The following SLC2A7 variants were observed in gnomAD, a reference collection of about 807,000 sequenced individuals.
The protein encoded by SLC2A7 is solute carrier family 2 member 7.
Under a neutral mutation model 50.5 loss-of-function variants are expected in SLC2A7, and 50 were observed. The ratio of observed to expected loss-of-function variants is 0.99; its 90% CI spans 0.79 to 1.25. SLC2A7 has a LOEUF of 1.25. Ranked by LOEUF, SLC2A7 falls within the 50% of genes most tolerant of loss-of-function variation. The pLI is 0.00. For missense variants in SLC2A7, 683 were observed against 679.1 expected (o/e 1.01, Z -0.06); for synonymous variants, 308 against 300.4 (o/e 1.03, Z -0.26).
At chr1:9,000,837 A>T (rs922793086), downstream of SLC2A7, among the ~76,000 whole-genome samples, 1 of 150,766 alleles carries the variant, frequency 6.6e-6, no homozygotes, top group African/African-American at 2.5e-5. Flanking sequence ...CCCAGGTGTG[A>T]GGAGCCCAGG....
chr1:9,011,761 T>G (rs1322779400), intron 8 of SLC2A7, among the ~76,000 whole-genome samples: 1 of 143,992 alleles, frequency 6.9e-6, no homozygotes, highest in African/African-American at 2.6e-5. Context: ...TTTTTTTTTT[T>G]TTTTTTTTGG....
At chr1:8,999,261 T>C (rs551701893), downstream of SLC2A7, among the ~76,000 whole-genome samples, 1 of 152,312 alleles carries the variant, frequency 6.6e-6, no homozygotes, top group South Asian at 2.1e-4. Flanking sequence ...ATTCCCAAAG[T>C]GCTGTGATTA....
chr1:9,005,781 C>CAAAAAA (rs75636224), intron 10 of SLC2A7, among the ~76,000 whole-genome samples: 2 of 42,624 alleles, frequency 4.7e-5, no homozygotes, highest in Non-Finnish European at 1.1e-4. Context: ...GACTCCAACT[C>CAAAAAA]AAAAAAAAAA....
At chr1:9,013,008 G>A (rs546056007) in intron 8 of SLC2A7, among the ~76,000 whole-genome samples, 16 of 152,050 alleles carry the variant, frequency 1.1e-4, no homozygotes, top group East Asian at 3.9e-4. Context: ...CTCCTGACTC[G>A]GCCTCCCAAG....
At chr1:9,011,107 C>G (rs1247600779) in intron 8 of SLC2A7, among the ~76,000 whole-genome samples, 1 of 152,254 alleles carries the variant, frequency 6.6e-6, no homozygotes, top group Non-Finnish European at 1.5e-5. Context: ...ATTATTCACA[C>G]CAGCTACTCC....
At position 9,024,755 on chromosome 1, in the gene SLC2A7, G is replaced by A. The variant is rs138322676; in HGVS notation, c.150+221C>T. Among the ~76,000 whole-genome samples the A allele has an allele frequency of 1.0e-2, 1,521 of 152,256 alleles. 11 individuals are homozygous for A. The highest frequency in any genetic ancestry group is 0.016 in the Non-Finnish European group (1,090 of 68,022). The stretch of plus-strand genomic sequence containing the variant: ...AACAGGTCCCCCAGCATCCCAATGT[G>A]CCCGGAAAGGACGACACTCCAGGGG... On this transcript the variant is annotated intron_variant, in intron 2 of 11. Transcript: ENST00000400906.
chr1:9,026,212 A>G (rs899585564), intron 1 of SLC2A7, 83 bp downstream of exon 1: 3 of 1,459,054 alleles, frequency 2.1e-6, no homozygotes, highest in South Asian at 1.2e-5. Flanking sequence ...TGCTAAAAGC[A>G]TTCCACGGCC....
downstream of SLC2A7, among the ~76,000 whole-genome samples, chr1:9,001,620 G>A (rs1177861703): frequency 6.6e-6 from 1 of 151,992 alleles, no homozygotes; most frequent in Non-Finnish European, 1.5e-5. Context: ...GTTTCATTGT[G>A]TTGCCCAGGC....
intron 1 of SLC2A7, 70 bp from the exon 2 acceptor site, chr1:9,025,144 C>T (rs1640977831): frequency 6.8e-7 from 1 of 1,475,266 alleles, no homozygotes; most frequent in Non-Finnish European, 9.3e-7. Flanking sequence ...GCTGGGCCTC[C>T]ACCTCCCTCC....
At chr1:9,005,239 C>T (rs1017447779) in intron 10 of SLC2A7, among the ~76,000 whole-genome samples, 3 of 152,174 alleles carry the variant, frequency 2.0e-5, no homozygotes, top group African/African-American at 7.2e-5. Flanking sequence ...GAAAGAGCTT[C>T]CTTTGCGCTG....
chr1:8,997,181 C>T, the SLC2A7 span, among the ~76,000 whole-genome samples: 3 of 152,050 alleles, frequency 2.0e-5, no homozygotes, highest in African/African-American at 4.8e-5. Flanking sequence ...AGGCTCACCC[C>T]TGCAATCCCA....
intron 8 of SLC2A7, among the ~76,000 whole-genome samples, chr1:9,011,394 C>G (rs1054957922): frequency 6.6e-6 from 1 of 152,194 alleles, no homozygotes; most frequent in Non-Finnish European, 1.5e-5. Context: ...TGGCTCACAC[C>G]TGTAATCTCA....
At chr1:9,022,210 T>G (rs1446372883) in intron 3 of SLC2A7, among the ~76,000 whole-genome samples, 1 of 152,232 alleles carries the variant, frequency 6.6e-6, no homozygotes, top group Non-Finnish European at 1.5e-5. Flanking sequence ...CTGTCTAACC[T>G]GGCACACCAT....
chr1:8,994,488 C>T, the SLC2A7 span, among the ~76,000 whole-genome samples: 3 of 152,142 alleles, frequency 2.0e-5, no homozygotes, highest in African/African-American at 7.2e-5. Flanking sequence ...GCGCTTAGAA[C>T]TTGGAGCCAT....
intron 3 of SLC2A7, among the ~76,000 whole-genome samples, chr1:9,022,143 T>C (rs901454365): frequency 4.6e-5 from 7 of 152,216 alleles, no homozygotes; most frequent in Non-Finnish European, 8.8e-5. Flanking sequence ...GAAAATGGAA[T>C]TGCTCTGGTT....
In SLC2A7 at chr1:9,023,618, A is replaced by T. The variant is rs539923400; in HGVS notation, c.151-540T>A. Among the ~76,000 whole-genome samples, 488 of 151,276 alleles carry T rather than the reference A, an allele frequency of 3.2e-3. 1 individual carries two copies. Among genetic ancestry groups the T allele is most frequent in the African/African-American group, 6.6e-3 (270 of 41,176 alleles). ...CGAGACTCCGTCTCAAAAAAAAAAA[A>T]TTTACTTTTGGCTGGGAATGGCTCA... On this transcript the variant is annotated intron_variant, in intron 2 of 11. Coordinates refer to ENST00000400906, the MANE Select transcript of SLC2A7 (RefSeq NM_207420.3).
Position 9,007,296 on chromosome 1 carries a change from G to T in SLC2A7, c.1192+14C>A, listed in dbSNP as rs537776693. The T allele has an allele frequency of 3.8e-5, 61 of 1,614,084 alleles. 2 individuals carry two copies. In the South Asian group the frequency reaches 6.3e-4, roughly 17 times the overall value. Reference sequence around the variant, plus strand: ...CCAGGATGGCCGGGGCGAGGGAGGCGTGCAGGTACTCACTGGGCCCAATGG... The same window carrying T: ...CCAGGATGGCCGGGGCGAGGGAGGCTTGCAGGTACTCACTGGGCCCAATGG... On this transcript the variant is annotated intron_variant, in intron 10 of 11. Transcript: ENST00000400906.
chr1:9,014,639 T>G (rs983511639), intron 7 of SLC2A7, 42 bp downstream of exon 7: 3 of 1,546,476 alleles, frequency 1.9e-6, no homozygotes, highest in Non-Finnish European at 2.6e-6. Flanking sequence ...GAAGCCTGGG[T>G]CTGCTTCATC....
intron 2 of SLC2A7, 83 bp from the exon 3 acceptor site, chr1:9,023,161 A>G (rs1640940075): frequency 1.2e-5 from 17 of 1,470,586 alleles, no homozygotes; most frequent in Non-Finnish European, 1.6e-5. Context: ...GCCACTTGTC[A>G]TTGTACAGAG....
Sources: allele counts gnomAD v4.1 joint callset (sites outside exome capture counted in the v4.1 genomes callset), GRCh38; gene constraint gnomAD v4.1.1; transcripts MANE v1.5; gene names NCBI Gene and HGNC (gene_info 2026-07-23, HGNC 2026-07-21).